PI4KB: variants seen among roughly 807,000 people sequenced by gnomAD.
PI4KB encodes PtdIns 4-kinase beta.
PI4KB carries 23 observed loss-of-function variants against 81.4 expected under a neutral mutation model. That is an observed-to-expected ratio of 0.28 (90% confidence interval 0.20 to 0.40). The LOEUF (loss-of-function observed/expected upper bound fraction) is 0.40, where lower values mean the gene tolerates loss of function less well. PI4KB is among the 10% of genes least tolerant of loss of function. PI4KB has a pLI of 1.00. For missense variants in PI4KB, 651 were observed against 1,036.6 expected, an observed-to-expected ratio of 0.63 and a Z score of 5.11; for synonymous variants, 381 against 406.8, an observed-to-expected ratio of 0.94 and a Z score of 0.76.
chr1:151,320,574 C>T (rs1648709444), intron 1 of PI4KB, among the ~76,000 whole-genome samples: 1 of 152,208 alleles, frequency 6.6e-6, no homozygotes, highest in Non-Finnish European at 1.5e-5. Flanking sequence ...TATGCTCTCT[C>T]CCAAAATTAG....
chr1:151,316,199 C>A lies in PI4KB; in HGVS notation c.283G>T (p.Ala95Ser). The part of the protein sequence containing the change: ...SEIRCLDDPP[A>S]QIREEEDEMG... ...TCATCTTCCTCCTCCCTGATCTGGG[C>A]AGGTGGATCATCTAGGCAACGGATC... The change falls in exon 2 of 12, where the codon GCC becomes TCC. Residue 95 changes from alanine (A) to serine (S), a missense_variant. Ala to Ser is a moderately conservative substitution (Grantham distance 99). Around this residue, in one of 5 missense-constraint regions of PI4KB, gnomAD observed 314 missense variants for 397.8 expected, o/e 0.79. Coordinates refer to ENST00000368873, the MANE Select transcript of PI4KB (RefSeq NM_001369623.2). 6.2e-7 allele frequency: 1 copy of A among 1,614,082 alleles called. No individual in the cohort carries two copies.
intron 11 of PI4KB, 137 bp from the exon 12 acceptor site, chr1:151,293,170 CT>C (rs1694449781): frequency 6.7e-7 from 1 of 1,486,636 alleles, no homozygotes; most frequent in African/African-American, 1.4e-5. Context: ...GGGTGCAGTT[CT>C]GCTTGGGCAG....
At position 151,292,949 on chromosome 1, in the gene PI4KB, AGCTGCTCCTCAGTCAT is replaced by A; in HGVS notation, c.2338_2353del (p.Met780CysfsTer49). On this transcript the variant is annotated frameshift_variant, in exon 12 of 12. Coordinates refer to ENST00000368873, the MANE Select transcript of PI4KB (RefSeq NM_001369623.2). LOFTEE classifies it high-confidence loss of function. Reference sequence around the variant, plus strand: ...CACCATCTGCTCCACCAGCAGCTGCAGCTGCTCCTCAGTCATGCTCATGTGGAACCTCTCTTTGAGG... The same window carrying A: ...CACCATCTGCTCCACCAGCAGCTGCAGCTCATGTGGAACCTCTCTTTGAGG... 6.2e-7 allele frequency: 1 copy of A among 1,614,196 alleles called. No homozygotes were observed. The highest frequency in any genetic ancestry group is 8.5e-7 in the Non-Finnish European group (1 of 1,180,032).
intron 1 of PI4KB, among the ~76,000 whole-genome samples, chr1:151,321,591 G>A (rs1648848394): frequency 1.3e-5 from 2 of 151,702 alleles, no homozygotes; most frequent in South Asian, 2.1e-4. Context: ...ATGCCTTTGT[G>A]GGCAGGGCAT....
intron 10 of PI4KB, 31 bp from the exon 11 acceptor site, chr1:151,294,169 A>G: frequency 1.2e-6 from 2 of 1,601,478 alleles, no homozygotes; most frequent in Non-Finnish European, 1.7e-6. Flanking sequence ...TGTGTGCACA[A>G]GGGGTCTTAC....
In PI4KB at chr1:151,323,678, C is replaced by T. The variant is rs952423335; in HGVS notation, c.-29+3593G>A. Among the ~76,000 whole-genome samples, 8 of 152,060 alleles carry T rather than the reference C, an allele frequency of 5.3e-5. No homozygotes were observed. The South Asian group carries it at 8.3e-4, about 16-fold the overall frequency. Reference sequence around the variant, plus strand: ...GGCAGAGGTTGCAGTGAGCCGAGATCGTGCCACTGCACTCTAGCCTGGGCG... The same window carrying T: ...GGCAGAGGTTGCAGTGAGCCGAGATTGTGCCACTGCACTCTAGCCTGGGCG... On this transcript the variant is annotated intron_variant, in intron 1 of 11. Transcript: ENST00000368873.
intron 3 of PI4KB, 32 bp from the exon 4 acceptor site, chr1:151,307,833 T>C (rs933162296): frequency 6.6e-7 from 1 of 1,511,626 alleles, no homozygotes; most frequent in African/African-American, 1.4e-5. Context: ...CAAAAGATGG[T>C]GAAGAAACCA....
At chr1:151,293,066 A>G in intron 11 of PI4KB, 33 bp from the exon 12 acceptor site, 3 of 1,608,928 alleles carry the variant, frequency 1.9e-6, no homozygotes, top group Non-Finnish European at 2.5e-6. Context: ...AGGGTCATGG[A>G]TGGACGGGAG....
chr1:151,294,207 C>T, intron 10 of PI4KB, 69 bp from the exon 11 acceptor site: 2 of 1,552,746 alleles, frequency 1.3e-6, no homozygotes, highest in South Asian at 1.2e-5. Flanking sequence ...TCCTGACTGG[C>T]CTACCAGAAC....
At position 151,310,259 on chromosome 1, in the gene PI4KB, G is replaced by A; in HGVS notation, c.910-4C>T. 6.3e-7 allele frequency: 1 copy of A among 1,595,758 alleles called. No individual in the cohort carries two copies. Among genetic ancestry groups the A allele is most frequent in the Non-Finnish European group, 8.6e-7 (1 of 1,168,920 alleles). ...TCTCGGTGCTGGAGGAGAGCTCCTGGGAAAGGGCCAGAGGGCAAAGGGAGA... is the reference window on the plus strand; with the variant it reads ...TCTCGGTGCTGGAGGAGAGCTCCTGAGAAAGGGCCAGAGGGCAAAGGGAGA... On this transcript the variant is annotated splice_polypyrimidine_tract_variant and splice_region_variant and intron_variant, in intron 2 of 11. Transcript: ENST00000368873.
chr1:151,298,660 T>C (rs2101920062), intron 9 of PI4KB, 148 bp downstream of exon 9: 1 of 862,326 alleles, frequency 1.2e-6, no homozygotes, highest in East Asian at 2.4e-5. Context: ...CTTAATGTCA[T>C]GGGAACACAT....
At chr1:151,304,526 G>C (rs931992925) in intron 5 of PI4KB, among the ~76,000 whole-genome samples, 1 of 150,348 alleles carries the variant, frequency 6.7e-6, no homozygotes, top group Non-Finnish European at 1.5e-5. Flanking sequence ...TGTATTTTTA[G>C]TAGGAACGGG....
chr1:151,301,789 C>T (rs1441911100), intron 8 of PI4KB, 55 bp downstream of exon 8: 87 of 1,569,874 alleles, frequency 5.5e-5, no homozygotes, highest in Non-Finnish European at 7.5e-5. Flanking sequence ...GCCTCGGCCT[C>T]CCAGAGTGCT....
In PI4KB at chr1:151,316,429, G is replaced by C. The variant is rs1428114383; in HGVS notation, c.53C>G (p.Thr18Ser). 1.9e-6 allele frequency: 3 copies of C among 1,580,674 alleles called. No individual in the cohort carries two copies. The highest frequency in any genetic ancestry group is 2.7e-5 in the African/African-American group (2 of 74,046). Residue 18 changes from threonine to serine, a missense_variant, in exon 2 of 12, where the codon ACT becomes AGT. By Grantham distance (58) the Thr-to-Ser change is moderately conservative. Transcript: ENST00000368873. ...PAPLKPTSEPTSGPPGNNGGS... is the reference protein window; with the variant it reads ...PAPLKPTSEPSSGPPGNNGGS... ...CCCATTATTCCCTGGTGGGCCAGAA[G>C]TGGGCTCAGAAGTTGGCTTCAAGGG...
chr1:151,324,823 T>C lies in PI4KB; in HGVS notation c.-29+2448A>G, dbSNP rs1385067484. ...TCCCCTCTTGTCCCATGCCAATTAT[T>C]GAAGGGTTCCTCCCAAACCTCTTCC... On this transcript the variant is annotated intron_variant, in intron 1 of 11. Coordinates refer to ENST00000368873, the MANE Select transcript of PI4KB (RefSeq NM_001369623.2). 3.0e-6 allele frequency: 3 copies of C among 985,122 alleles called. No individual in the cohort carries two copies. In the East Asian group the frequency reaches 3.4e-4, roughly 112 times the overall value. 61.0% of individuals were successfully genotyped at this position (985,122 alleles called of 1,614,324 possible). A position where few individuals can be genotyped will look rare whatever the true frequency, so the allele number is the denominator to read the frequency against.
intron 9 of PI4KB, among the ~76,000 whole-genome samples, chr1:151,296,838 C>T (rs1400798968): frequency 4.0e-5 from 6 of 151,578 alleles, no homozygotes; most frequent in South Asian, 4.1e-4. Flanking sequence ...TGCAGTCGCG[C>T]GATCTCATCT....
chr1:151,293,107 A>G, intron 11 of PI4KB, 74 bp from the exon 12 acceptor site: 1 of 1,564,934 alleles, frequency 6.4e-7, no homozygotes, highest in Non-Finnish European at 8.7e-7. Flanking sequence ...GCAAATACAG[A>G]GCTGGGGCAT....
At chr1:151,327,486 T>G, upstream of PI4KB, 1 of 396,598 alleles carries the variant, frequency 2.5e-6, no homozygotes. Flanking sequence ...CCACACAACC[T>G]CTTCTTCCTC....
At chr1:151,299,595 C>A (rs1695083977) in intron 8 of PI4KB, among the ~76,000 whole-genome samples, 1 of 151,978 alleles carries the variant, frequency 6.6e-6, no homozygotes, top group Non-Finnish European at 1.5e-5. Context: ...GAGGCTAAGG[C>A]AGGAGAATCG....
Sources: allele counts gnomAD v4.1 joint callset (sites outside exome capture counted in the v4.1 genomes callset), GRCh38; gene constraint gnomAD v4.1.1; regional missense constraint gnomAD v4.1.1; transcripts MANE v1.5; gene names NCBI Gene and HGNC (gene_info 2026-07-23, HGNC 2026-07-21).